The following KCNIP4 variants were observed in gnomAD, a reference collection of about 807,000 sequenced individuals.
The protein encoded by KCNIP4 is Kv channel-interacting protein 4.
Under a neutral mutation model 34.0 loss-of-function variants are expected in KCNIP4, and 12 were observed. The observed-to-expected ratio is 0.35, with a 90% CI of 0.23 to 0.57. The LOEUF (loss-of-function observed/expected upper bound fraction) is 0.57. Among genes scored for constraint, KCNIP4 ranks in the 20% least tolerant of loss-of-function variants. The probability of loss-of-function intolerance (pLI) is 0.83; values close to 1 mark genes in which losing one functional copy is unlikely to be tolerated. For missense variants in KCNIP4, 238 were observed against 311.7 expected (o/e 0.76, Z 1.78); for synonymous variants, 124 against 102.2 (o/e 1.21, Z -1.29).
chr4:21,750,714 T>C (rs1717095897), intron 1 of KCNIP4, among the ~76,000 whole-genome samples: 2 of 152,196 alleles, frequency 1.3e-5, no homozygotes, highest in South Asian at 4.1e-4. Context: ...AGAAGACTAA[T>C]AATCTATTGC....
At position 20,765,302 on chromosome 4, in the gene KCNIP4, C is replaced by G. The variant is rs192854217; in HGVS notation, c.289-6412G>C. Among the ~76,000 whole-genome samples the G allele has an allele frequency of 1.7e-3, 262 of 152,248 alleles. 2 individuals are homozygous for G. The highest frequency in any genetic ancestry group is 6.0e-3 in the African/African-American group (248 of 41,558). On this transcript the variant is annotated intron_variant, in intron 3 of 8. Coordinates refer to ENST00000382152, the MANE Select transcript of KCNIP4 (RefSeq NM_025221.6). ...CTTCTATTAGGACTGAAAACATAGT[C>G]TCCTGGAGAGTCATCTGTGGAAATC...
chr4:21,420,121 C>G (rs1725324553), intron 1 of KCNIP4, among the ~76,000 whole-genome samples: 1 of 152,042 alleles, frequency 6.6e-6, no homozygotes, highest in South Asian at 2.1e-4. Flanking sequence ...ACCTACTTGT[C>G]AATGTTGGTG....
At chr4:20,821,940 C>G (rs760911253) in intron 3 of KCNIP4, among the ~76,000 whole-genome samples, 1 of 151,958 alleles carries the variant, frequency 6.6e-6, no homozygotes, top group Non-Finnish European at 1.5e-5. Context: ...TGGGCACTTA[C>G]GGTTCCACAT....
At chr4:20,854,343 A>G (rs1266616105) in intron 2 of KCNIP4, among the ~76,000 whole-genome samples, 2 of 152,180 alleles carry the variant, frequency 1.3e-5, no homozygotes, top group Admixed American at 1.3e-4. Flanking sequence ...ATTTGGAGTG[A>G]CCTGAATGAG....
At chr4:21,355,835 C>G (rs538911830) in intron 1 of KCNIP4, among the ~76,000 whole-genome samples, 2 of 152,224 alleles carry the variant, frequency 1.3e-5, no homozygotes, top group South Asian at 4.1e-4. Flanking sequence ...CAAAACATGG[C>G]AGAGACACAA....
chr4:21,908,042 G>A (rs1352847764), intron 1 of KCNIP4, among the ~76,000 whole-genome samples: 1 of 152,038 alleles, frequency 6.6e-6, no homozygotes, highest in African/African-American at 2.4e-5. Flanking sequence ...TACTCTCTCT[G>A]TGGCCCCTTC....
At chr4:20,892,410 TCTTA>T (rs1489180114) in intron 1 of KCNIP4, among the ~76,000 whole-genome samples, 1 of 152,192 alleles carries the variant, frequency 6.6e-6, no homozygotes, top group Non-Finnish European at 1.5e-5. Context: ...TCTCACTCTT[TCTTA>T]GTCTTTGTGC....
intron 1 of KCNIP4, among the ~76,000 whole-genome samples, chr4:21,751,098 G>C (rs1717122655): frequency 6.6e-6 from 1 of 152,128 alleles, no homozygotes; most frequent in Non-Finnish European, 1.5e-5. Flanking sequence ...GGGAAGAGGA[G>C]ACTGGGTGAA....
At chr4:20,978,180 CAT>C (rs1463803230) in intron 1 of KCNIP4, among the ~76,000 whole-genome samples, 1 of 152,130 alleles carries the variant, frequency 6.6e-6, no homozygotes, top group Non-Finnish European at 1.5e-5. Context: ...TTCTAACAAA[CAT>C]ATGTGTTTGG....
At chr4:21,091,422 G>A (rs1205888311) in intron 1 of KCNIP4, among the ~76,000 whole-genome samples, 2 of 152,148 alleles carry the variant, frequency 1.3e-5, no homozygotes, top group African/African-American at 4.8e-5. Flanking sequence ...AGATAACAAG[G>A]TAATTTCATG....
chr4:21,531,604 T>C (rs1327648458), intron 1 of KCNIP4, among the ~76,000 whole-genome samples: 1 of 152,000 alleles, frequency 6.6e-6, no homozygotes, highest in Non-Finnish European at 1.5e-5. Context: ...CTGGAACTCC[T>C]GACCTCAAAT....
At chr4:21,116,045 T>C (rs1405157104) in intron 1 of KCNIP4, among the ~76,000 whole-genome samples, 2 of 152,170 alleles carry the variant, frequency 1.3e-5, no homozygotes, top group Non-Finnish European at 2.9e-5. Flanking sequence ...TTTTCATTCC[T>C]TTTTCCCTCG....
chr4:20,969,175 T>C (rs1469577896), intron 1 of KCNIP4, among the ~76,000 whole-genome samples: 1 of 152,186 alleles, frequency 6.6e-6, no homozygotes, highest in African/African-American at 2.4e-5. Flanking sequence ...CCAGACTTGA[T>C]GGTTAAAATG....
At chr4:21,291,713 G>A in intron 1 of KCNIP4, among the ~76,000 whole-genome samples, 1 of 151,694 alleles carries the variant, frequency 6.6e-6, no homozygotes, top group East Asian at 1.9e-4. Flanking sequence ...AATTAGCCAG[G>A]CATGGTGGTG....
chr4:20,732,637 T>C, intron 7 of KCNIP4, 44 bp downstream of exon 7: 2 of 1,281,908 alleles, frequency 1.6e-6, no homozygotes, highest in Middle Eastern at 3.7e-4. Flanking sequence ...TCAGGAAATT[T>C]TCTCCTAACT....
intron 1 of KCNIP4, among the ~76,000 whole-genome samples, chr4:21,627,868 G>C (rs746221088): frequency 9.2e-5 from 14 of 152,106 alleles, no homozygotes; most frequent in Non-Finnish European, 2.1e-4. Flanking sequence ...TAGGAATGGT[G>C]CGGTTATATT....
At chr4:21,521,139 C>T (rs993245372) in intron 1 of KCNIP4, among the ~76,000 whole-genome samples, 5 of 152,094 alleles carry the variant, frequency 3.3e-5, no homozygotes, top group African/African-American at 1.2e-4. Flanking sequence ...AGGGCAGCAT[C>T]CAACAGGGGC....
At chr4:21,454,950 T>A (rs1458639086) in intron 1 of KCNIP4, among the ~76,000 whole-genome samples, 2 of 152,064 alleles carry the variant, frequency 1.3e-5, no homozygotes, top group Non-Finnish European at 2.9e-5. Context: ...GGTGACCAAC[T>A]GCTTTAGTTT....
intron 3 of KCNIP4, among the ~76,000 whole-genome samples, chr4:20,774,978 C>A (rs141059249): frequency 6.6e-6 from 1 of 152,174 alleles, no homozygotes; most frequent in Non-Finnish European, 1.5e-5. Flanking sequence ...CAATCCCAAT[C>A]GCATTCTAAA....
Sources: gnomAD v4.1 joint callset for allele counts (sites outside exome capture counted in the v4.1 genomes callset) on GRCh38, gnomAD v4.1.1 for gene constraint, MANE v1.5 for transcripts, NCBI Gene and HGNC (gene_info 2026-07-23, HGNC 2026-07-21) for gene names.